Variants in METTL1 observed in about 807,000 individuals in gnomAD.
METTL1 encodes tRNA (guanine-N(7)-)-methyltransferase.
Under a neutral mutation model 27.7 loss-of-function variants are expected in METTL1, and 14 were observed. The ratio of observed to expected loss-of-function variants is 0.51; its 90% CI spans 0.33 to 0.79. The LOEUF is 0.79. METTL1 is among the 30% of genes least tolerant of loss of function. METTL1 has a pLI of 0.02. For missense variants in METTL1, 333 were observed against 359.6 expected (o/e 0.93, Z 0.60); for synonymous variants, 138 against 137.0 (o/e 1.01, Z -0.05).
intron 2 of METTL1, 94 bp downstream of exon 2, chr12:57,771,000 G>A: frequency 1.4e-6 from 2 of 1,392,446 alleles, no homozygotes; most frequent in Non-Finnish European, 2.0e-6. Context: ...CTGGACGAAA[G>A]GGGAAAGGCC....
At position 57,771,230 on chromosome 12, in the gene METTL1, C is replaced by T. The variant is rs1211886951; in HGVS notation, c.138G>A (p.Trp46Ter). The change falls in exon 2 of 6, where the codon TGG becomes TGA. Residue 46 changes from tryptophan (W) to a stop codon, truncating the protein, a stop_gained. Transcript: ENST00000324871. LOFTEE classifies it high-confidence loss of function. ...CGAAGAACTCTGGGTATAGCTCAGA[C>T]CAGTCCATCTCCTCTGGCTTCACAG... is the stretch of plus-strand genomic sequence containing the variant. ...RYPVKPEEMDWSELYPEFFAP... is the reference protein window; with the variant it reads ...RYPVKPEEMD 1.2e-6 allele frequency: 2 copies of T among 1,614,084 alleles called. No homozygotes were observed. Among genetic ancestry groups the T allele is most frequent in the South Asian group, 2.2e-5 (2 of 91,078 alleles).
At chr12:57,771,585 A>C (rs1387322768) in intron 1 of METTL1, 6 of 1,535,304 alleles carry the variant, frequency 3.9e-6, no homozygotes, top group Middle Eastern at 1.7e-4. Context: ...ATGCACTGGG[A>C]TCCTACTTTG....
intron 1 of METTL1, 142 bp downstream of exon 1, chr12:57,771,832 C>A: frequency 8.6e-7 from 1 of 1,166,700 alleles, no homozygotes; most frequent in Non-Finnish European, 1.2e-6. Flanking sequence ...GTCGAATCTC[C>A]CGGTCCCACC....
chr12:57,771,560 G>C, intron 1 of METTL1: 1 of 1,535,080 alleles, frequency 6.5e-7, no homozygotes, highest in Non-Finnish European at 8.7e-7. Flanking sequence ...CCCTTCTCCC[G>C]AGACTGGCTG....
intron 2 of METTL1, 119 bp downstream of exon 2, chr12:57,770,975 T>G: frequency 9.2e-7 from 1 of 1,091,908 alleles, no homozygotes; most frequent in South Asian, 1.6e-5. Context: ...CTCTCCATGC[T>G]GATGTCACCA....
rs149829610 is a variant in METTL1 at position 57,769,035 on chromosome 12, G to A, written c.792C>T (p.Leu264=). The change falls in exon 6 of 6, where the codon CTC becomes CTT. Residue 264 remains leucine (L), a synonymous_variant. Coordinates refer to ENST00000324871, the MANE Select transcript of METTL1 (RefSeq NM_005371.6). ...GGCTGGTTTGGGAGGTCACTGCCTG[G>A]AGGACGGGATCTTGTATTCTTCGGA... ...AIFRRIQDPV[L]QAVTSQTSLP... 2 of 1,609,766 alleles carry A rather than the reference G, an allele frequency of 1.2e-6. No individual in the cohort carries two copies. Among genetic ancestry groups the A allele is most frequent in the East Asian group, 4.5e-5 (2 of 44,766 alleles).
intron 5 of METTL1, 47 bp downstream of exon 5, chr12:57,769,256 G>A (rs1955397569): frequency 1.2e-6 from 2 of 1,612,156 alleles, no homozygotes; most frequent in African/African-American, 1.3e-5. Flanking sequence ...TCCAAATACA[G>A]AACCACTCTG....
In METTL1 at chr12:57,768,968, C is replaced by T. The variant is rs751164864; in HGVS notation, c.*28G>A. On this transcript the variant is annotated 3_prime_UTR_variant, in exon 6 of 6. Transcript: ENST00000324871. ...GCTCTTTTCTCTAATCCCTGGGAGA[C>T]GAGGTCCAGCTAAGGTAGAGTAAGC... The T allele has an allele frequency of 1.2e-5, 19 of 1,585,240 alleles. No individual in the cohort carries two copies. In the African/African-American group the frequency reaches 1.2e-4, roughly 10 times the overall value.
At chr12:57,771,518 C>T in intron 1 of METTL1, 1 of 1,530,170 alleles carries the variant, frequency 6.5e-7, no homozygotes, top group Non-Finnish European at 8.7e-7. Flanking sequence ...GTGACCCTGG[C>T]CGGGTAACTG....
chr12:57,771,206 G>A lies in METTL1; in HGVS notation c.162C>T (p.Phe54=), dbSNP rs777084441. 1.6e-5 allele frequency: 26 copies of A among 1,614,114 alleles called. No homozygotes were observed. In the South Asian group the frequency reaches 1.6e-4, roughly 10 times the overall value. Residue 54 remains phenylalanine, a synonymous_variant, in exon 2 of 6, where the codon TTC becomes TTT. Coordinates refer to ENST00000324871, the MANE Select transcript of METTL1 (RefSeq NM_005371.6). ...MDWSELYPEF[F]APLTQNQSHD... ...GGCTCTGATTTTGAGTGAGTGGAGC[G>A]AAGAACTCTGGGTATAGCTCAGACC... is the stretch of plus-strand genomic sequence containing the variant.
Position 57,769,004 on chromosome 12 carries a change from C to G in METTL1, c.823G>C (p.Gly275Arg), listed in dbSNP as rs774732743. 1.9e-6 allele frequency: 3 copies of G among 1,601,294 alleles called. No homozygotes were observed. Among genetic ancestry groups the G allele is most frequent in the East Asian group, 4.5e-5 (2 of 44,504 alleles). The part of the protein sequence containing the change: ...QAVTSQTSLP[G>R]H ...TAAGGTAGAGTAAGCAGTCAGTGAC[C>G]AGGCAGGCTGGTTTGGGAGGTCACT... Residue 275 changes from glycine (G) to arginine (R), a missense_variant, in exon 6 of 6, where the codon GGT becomes CGT. Coordinates refer to ENST00000324871, the MANE Select transcript of METTL1 (RefSeq NM_005371.6).
chr12:57,771,756 T>C, intron 1 of METTL1: 2 of 1,286,872 alleles, frequency 1.6e-6, no homozygotes, highest in South Asian at 3.1e-5. Context: ...TTCCCAAACT[T>C]AGCACCGCTA....
rs747177585 is a variant in METTL1 at position 57,769,320 on chromosome 12, C to G, written c.658G>C (p.Val220Leu). The change falls in exon 5 of 6, where the codon GTG (valine) becomes CTG (leucine). Residue 220 changes from valine to leucine, a missense_variant. Val to Leu is a conservative substitution (Grantham distance 32, BLOSUM62 1). Coordinates refer to ENST00000324871, the MANE Select transcript of METTL1 (RefSeq NM_005371.6). The stretch of plus-strand genomic sequence containing the variant: ...CTACTCACCAGGTCCTCCAGAGGCA[C>G]ACGCTCAAACAGTGGGTGCTCTTCG... ...HFEEHPLFER[V>L]PLEDLSEDPV... 6.2e-7 allele frequency: 1 copy of G among 1,614,158 alleles called. No homozygotes were observed.
At position 57,772,067 on chromosome 12, in the gene METTL1, C is replaced by T. The variant is rs766449139; in HGVS notation, c.17G>A (p.Arg6Gln). The change falls in exon 1 of 6, where the codon CGG becomes CAG. Residue 6 changes from arginine (R) to glutamine (Q), a missense_variant. Coordinates refer to ENST00000324871, the MANE Select transcript of METTL1 (RefSeq NM_005371.6). This position sits in a 1 kb window ranked among gnomAD's most constrained non-coding sequence, Gnocchi z 4.1. Reference protein sequence around the residue: MAAETRNVAGAEAPPP... With the variant: MAAETQNVAGAEAPPP... ...TGGGGCCTCTGCTCCGGCCACGTTC[C>T]GAGTCTCGGCTGCCATGATCCCAGT... 1.9e-5 allele frequency: 29 copies of T among 1,560,908 alleles called. No individual in the cohort carries two copies. Among genetic ancestry groups the T allele is most frequent in the Non-Finnish European group, 2.5e-5 (29 of 1,161,766 alleles).
At chr12:57,771,603 G>A in intron 1 of METTL1, 1 of 1,535,440 alleles carries the variant, frequency 6.5e-7, no homozygotes, top group South Asian at 1.2e-5. Context: ...TTGTGTTTGT[G>A]CTCTGCGGGG....
chr12:57,770,290 T>A (rs1955414336), intron 2 of METTL1, among the ~76,000 whole-genome samples: 1 of 152,222 alleles, frequency 6.6e-6, no homozygotes, highest in Admixed American at 6.5e-5. Flanking sequence ...ATGCCGAAGA[T>A]CATAGAGTTA....
Position 57,769,865 on chromosome 12 carries a change from G to A in METTL1, c.366C>T (p.Ala122=). The part of the protein sequence containing the change: ...VSDYVQDRIR[A]LRAAPAGGFQ... ...AGCCACCTGCAGGAGCTGCGCGTAG[G>A]GCCCGAATCCGGTCTTGTACATAGT... Residue 122 remains alanine (A), a synonymous_variant, in exon 3 of 6, where the codon GCC becomes GCT. Coordinates refer to ENST00000324871, the MANE Select transcript of METTL1 (RefSeq NM_005371.6). The A allele has an allele frequency of 6.2e-7, 1 of 1,614,170 alleles. No homozygotes were observed. Among genetic ancestry groups the A allele is most frequent in the Non-Finnish European group, 8.5e-7 (1 of 1,180,030 alleles).
Position 57,769,060 on chromosome 12 carries a change from A to T in METTL1, c.767T>A (p.Phe256Tyr). ...GAGGACGGGATCTTGTATTCTTCGG[A>T]AGATGGCTGGGAAATTCTTCCCTCC... ...RNGGKNFPAI[F>Y]RRIQDPVLQA... Residue 256 changes from phenylalanine (F) to tyrosine (Y), a missense_variant, in exon 6 of 6, where the codon TTC becomes TAC. Transcript: ENST00000324871. 1 of 1,612,250 alleles carries T rather than the reference A, an allele frequency of 6.2e-7. No homozygotes were observed.
chr12:57,769,963 A>T lies in METTL1; in HGVS notation c.275-7T>A, dbSNP rs192039536. On this transcript the variant is annotated splice_region_variant and splice_polypyrimidine_tract_variant and intron_variant, in intron 2 of 5. Coordinates refer to ENST00000324871, the MANE Select transcript of METTL1 (RefSeq NM_005371.6). Reference sequence around the variant, plus strand: ...AACAGCGGTGACAGTTCCACTGCACACAGAAATAGCAATGGAATCATCAAC... The same window carrying T: ...AACAGCGGTGACAGTTCCACTGCACTCAGAAATAGCAATGGAATCATCAAC... The T allele has an allele frequency of 2.0e-5, 32 of 1,595,838 alleles. No homozygotes were observed. The East Asian group carries it at 7.2e-4, about 36-fold the overall frequency.
Sources: allele counts gnomAD v4.1 joint callset (sites outside exome capture counted in the v4.1 genomes callset), GRCh38; gene constraint gnomAD v4.1.1; non-coding constraint Gnocchi (gnomAD v3.1); transcripts MANE v1.5; gene names NCBI Gene and HGNC (gene_info 2026-07-23, HGNC 2026-07-21).